The following CLSTN2 variants were observed in gnomAD, a reference collection of about 807,000 sequenced individuals.
The protein encoded by CLSTN2 is calsyntenin 2, also known as calsyntenin-2.
Under a neutral mutation model 101.2 loss-of-function variants are expected in CLSTN2, and 48 were observed. That is an observed-to-expected ratio of 0.47 (90% CI 0.38 to 0.60). CLSTN2 has a LOEUF of 0.60. CLSTN2 is among the 20% of genes least tolerant of loss of function. CLSTN2 has a pLI of 0.00. For missense variants in CLSTN2, 1,160 were observed against 1,238.2 expected (o/e 0.94, Z 0.95); for synonymous variants, 481 against 463.6 (o/e 1.04, Z -0.48).
intron 2 of CLSTN2, among the ~76,000 whole-genome samples, chr3:140,229,176 A>G (rs1394957388): frequency 1.3e-5 from 2 of 152,142 alleles, no homozygotes; most frequent in African/African-American, 4.8e-5. Flanking sequence ...TAGCCCCAGG[A>G]AGGAGAACTA....
intron 2 of CLSTN2, among the ~76,000 whole-genome samples, chr3:140,278,045 C>T (rs1331289134): frequency 6.6e-6 from 1 of 152,200 alleles, no homozygotes; most frequent in Non-Finnish European, 1.5e-5. Context: ...CCACTGAAGA[C>T]CTAGCTGCCC....
chr3:140,022,293 G>A (rs1002576800), intron 1 of CLSTN2, among the ~76,000 whole-genome samples: 1 of 152,212 alleles, frequency 6.6e-6, no homozygotes, highest in Non-Finnish European at 1.5e-5. Context: ...CAGAGGGCCT[G>A]AGCCATCCCT....
At chr3:140,527,745 G>T (rs1331060047) in intron 8 of CLSTN2, among the ~76,000 whole-genome samples, 14 of 152,128 alleles carry the variant, frequency 9.2e-5, no homozygotes, top group Non-Finnish European at 1.5e-5. Flanking sequence ...CCATAAGAAA[G>T]AATTAAATCA....
chr3:140,559,060 G>A (rs2107792567), intron 12 of CLSTN2, among the ~76,000 whole-genome samples: 1 of 152,138 alleles, frequency 6.6e-6, no homozygotes, highest in Admixed American at 6.5e-5. Flanking sequence ...TTAGCAATGA[G>A]GGATATGAGG....
chr3:140,400,918 G>A (rs147185262), intron 2 of CLSTN2, among the ~76,000 whole-genome samples: 165 of 152,280 alleles, frequency 1.1e-3, no homozygotes, highest in Admixed American at 2.3e-3. Context: ...GGCCCTCCCT[G>A]CCTTGCCTGA....
intron 1 of CLSTN2, among the ~76,000 whole-genome samples, chr3:139,966,163 AG>A (rs1316662825): frequency 2.0e-5 from 3 of 152,152 alleles, no homozygotes; most frequent in African/African-American, 7.2e-5. Context: ...AGCTGTGGGT[AG>A]GGGTAACTGC....
intron 8 of CLSTN2, among the ~76,000 whole-genome samples, chr3:140,487,566 A>T (rs144030735): frequency 1.3e-5 from 2 of 152,382 alleles, no homozygotes; most frequent in African/African-American, 4.8e-5. Flanking sequence ...TTCCTATGCT[A>T]GACCCCATGG....
At chr3:140,437,352 G>A (rs2088699263) in intron 5 of CLSTN2, among the ~76,000 whole-genome samples, 2 of 152,152 alleles carry the variant, frequency 1.3e-5, no homozygotes, top group South Asian at 4.1e-4. Flanking sequence ...CCAGCCAGGA[G>A]GTTCGGTTAA....
At chr3:140,133,194 T>A (rs1324316300) in intron 1 of CLSTN2, among the ~76,000 whole-genome samples, 6 of 151,904 alleles carry the variant, frequency 3.9e-5, no homozygotes, top group African/African-American at 1.2e-4. Flanking sequence ...CCAGGCTCCT[T>A]TAAACAACCA....
chr3:140,069,485 G>A (rs556539670), intron 1 of CLSTN2, among the ~76,000 whole-genome samples: 1 of 152,324 alleles, frequency 6.6e-6, no homozygotes, highest in African/African-American at 2.4e-5. Context: ...CAGTGATGGA[G>A]GCTGGTTGAT....
chr3:140,487,842 T>A (rs1468204899), intron 8 of CLSTN2, among the ~76,000 whole-genome samples: 2 of 152,190 alleles, frequency 1.3e-5, no homozygotes, highest in African/African-American at 4.8e-5. Context: ...CAGGGAACAA[T>A]AAGGCTATAG....
chr3:140,477,744 A>ACT (rs1027706493), intron 8 of CLSTN2, among the ~76,000 whole-genome samples: 44 of 152,236 alleles, frequency 2.9e-4, no homozygotes, highest in African/African-American at 9.6e-4. Context: ...GTTTGGCAGA[A>ACT]CTGGGTATCC....
intron 16 of CLSTN2, 28 bp downstream of exon 16, chr3:140,564,173 T>C: frequency 6.2e-7 from 1 of 1,606,678 alleles, no homozygotes; most frequent in Non-Finnish European, 8.5e-7. Flanking sequence ...CTGGGAGTTC[T>C]GGGTGGGGTG....
At chr3:140,293,767 G>A (rs1019472063) in intron 2 of CLSTN2, among the ~76,000 whole-genome samples, 6 of 152,136 alleles carry the variant, frequency 3.9e-5, no homozygotes, top group South Asian at 2.1e-4. Flanking sequence ...GGCTTGTTGG[G>A]TCCAAGCATT....
At chr3:140,233,138 T>C (rs2086385504) in intron 2 of CLSTN2, among the ~76,000 whole-genome samples, 1 of 152,132 alleles carries the variant, frequency 6.6e-6, no homozygotes, top group Admixed American at 6.6e-5. Flanking sequence ...TGACCCTAGA[T>C]TCTCCCTCTC....
chr3:140,040,313 C>A (rs764505341), intron 1 of CLSTN2, among the ~76,000 whole-genome samples: 5 of 152,158 alleles, frequency 3.3e-5, no homozygotes, highest in African/African-American at 9.7e-5. Flanking sequence ...AGAAACACAT[C>A]ACTAAAGTTT....
At position 139,935,875 on chromosome 3, in the gene CLSTN2, G is replaced by C. The variant is rs1935011477; in HGVS notation, c.109+392G>C. Among the ~76,000 whole-genome samples, 1 of 152,118 alleles carries C rather than the reference G, an allele frequency of 6.6e-6. No individual in the cohort carries two copies. The highest frequency in any genetic ancestry group is 1.5e-5 in the Non-Finnish European group (1 of 68,016). On this transcript the variant is annotated intron_variant, in intron 1 of 16. Transcript: ENST00000458420. The surrounding 1 kb of genome is among the most constrained non-coding windows in gnomAD (Gnocchi z 5.5). ...GCTCCTGCCTGGGGGAAGGATCAGC[G>C]GCGGTGCTTTCAAGGAGGGAGCCGA...
At chr3:140,089,270 G>A (rs1251116227) in intron 1 of CLSTN2, among the ~76,000 whole-genome samples, 3 of 152,118 alleles carry the variant, frequency 2.0e-5, no homozygotes, top group Non-Finnish European at 1.5e-5. Flanking sequence ...TTGAAATCAA[G>A]CTTAATTCTT....
intron 1 of CLSTN2, among the ~76,000 whole-genome samples, chr3:140,105,259 A>T (rs541147926): frequency 1.2e-4 from 18 of 152,358 alleles, no homozygotes; most frequent in African/African-American, 3.8e-4. Flanking sequence ...ATGCCTGTTT[A>T]TAACTATGCT....
Sources: gnomAD v4.1 joint callset for allele counts (sites outside exome capture counted in the v4.1 genomes callset) on GRCh38, gnomAD v4.1.1 for gene constraint, Gnocchi (gnomAD v3.1) non-coding constraint, MANE v1.5 for transcripts, NCBI Gene and HGNC (gene_info 2026-07-23, HGNC 2026-07-21) for gene names.